The following HERC3 variants were observed in gnomAD, a reference collection of about 807,000 sequenced individuals.
HERC3 encodes HECT and RLD domain containing E3 ubiquitin protein ligase 3, also known as probable E3 ubiquitin-protein ligase HERC3.
In HERC3, 58 loss-of-function variants were observed where a neutral mutation model predicts 129.9. The ratio of observed to expected loss-of-function variants is 0.45; its 90% CI spans 0.36 to 0.56. HERC3 has a LOEUF of 0.56. HERC3 is among the 20% of genes least tolerant of loss of function. The pLI is 0.00. For synonymous variants in HERC3, 430 were observed against 451.0 expected, an observed-to-expected ratio of 0.95 and a Z score of 0.59; for missense variants, 835 against 1,244.2, an observed-to-expected ratio of 0.67 and a Z score of 4.95.
At chr4:88,660,758 A>G (rs958615142) in intron 10 of HERC3, among the ~76,000 whole-genome samples, 3 of 152,014 alleles carry the variant, frequency 2.0e-5, no homozygotes, top group African/African-American at 7.2e-5. Context: ...CTATCTCATA[A>G]TCTTCTTTTT....
the HERC3 span, among the ~76,000 whole-genome samples, chr4:88,544,117 A>T: frequency 2.0e-5 from 3 of 152,248 alleles, no homozygotes; most frequent in African/African-American, 7.2e-5. Context: ...AGTAACTCTC[A>T]TCAGAGTGAA....
chr4:88,703,240 C>T (rs1735484783), intron 23 of HERC3, among the ~76,000 whole-genome samples: 1 of 152,114 alleles, frequency 6.6e-6, no homozygotes, highest in African/African-American at 2.4e-5. Flanking sequence ...CAGAGTGTAC[C>T]TGAAGCCTTC....
chr4:88,600,225 CATAA>C (rs1722831207), intron 2 of HERC3, among the ~76,000 whole-genome samples: 1 of 152,072 alleles, frequency 6.6e-6, no homozygotes, highest in South Asian at 2.1e-4. Flanking sequence ...TTCAAACAAG[CATAA>C]ATAAATAAGC....
chr4:88,704,335 T>C (rs1735579617), intron 24 of HERC3, 54 bp downstream of exon 24: 54 of 1,564,622 alleles, frequency 3.5e-5, no homozygotes, highest in South Asian at 6.8e-5. Flanking sequence ...AGCAGCAGCC[T>C]GGGGAGGTGT....
chr4:88,687,229 A>G lies in HERC3; in HGVS notation c.2587A>G (p.Ser863Gly), dbSNP rs1465339614. ...FCLNFTICRE[S>G]YGVIEQKKLI... ...ACCTTAAATATAGATCTGCCGAGAA[A>G]GCTATGGAGTGATTGAACAGAAGAA... Residue 863 changes from serine (S) to glycine (G), a missense_variant, in exon 23 of 26, where the codon AGC becomes GGC. Ser to Gly is a moderately conservative substitution (Grantham distance 56). Coordinates refer to ENST00000402738, the MANE Select transcript of HERC3 (RefSeq NM_014606.3). 1.9e-6 allele frequency: 3 copies of G among 1,610,818 alleles called. No individual in the cohort carries two copies. Among genetic ancestry groups the G allele is most frequent in the Non-Finnish European group, 2.5e-6 (3 of 1,177,890 alleles).
the HERC3 span, among the ~76,000 whole-genome samples, chr4:88,554,932 T>C: frequency 6.6e-6 from 1 of 152,184 alleles, no homozygotes; most frequent in Non-Finnish European, 1.5e-5. Context: ...GAGTCAAACA[T>C]AGGATTACAT....
chr4:88,612,182 G>T (rs115792447), intron 3 of HERC3, among the ~76,000 whole-genome samples: 1,883 of 152,056 alleles, frequency 0.012, 41 homozygotes, highest in African/African-American at 0.042. Flanking sequence ...TCCTTCTTAA[G>T]AATATGTAAC....
At chr4:88,654,851 A>G (rs1484823549) in intron 7 of HERC3, among the ~76,000 whole-genome samples, 1 of 152,198 alleles carries the variant, frequency 6.6e-6, no homozygotes, top group Non-Finnish European at 1.5e-5. Context: ...ATGTAAAATC[A>G]TCTCATTTAG....
intron 23 of HERC3, among the ~76,000 whole-genome samples, chr4:88,703,038 C>T (rs1231572892): frequency 1.3e-5 from 2 of 152,196 alleles, no homozygotes; most frequent in African/African-American, 2.4e-5. Flanking sequence ...CCATCTGTCT[C>T]GATAACTTCT....
intron 9 of HERC3, chr4:88,657,255 T>A (rs1423763074): frequency 6.6e-6 from 1 of 152,188 alleles, no homozygotes; most frequent in Non-Finnish European, 1.5e-5. Flanking sequence ...TATAAGAAAC[T>A]CAAGGACACA....
At chr4:88,686,979 A>G (rs1733549153) in intron 22 of HERC3, among the ~76,000 whole-genome samples, 177 bp downstream of exon 22, 3 of 152,254 alleles carry the variant, frequency 2.0e-5, no homozygotes, top group Admixed American at 1.3e-4. Flanking sequence ...TGTTGAATAA[A>G]TGAATGAATG....
intron 5 of HERC3, 129 bp from the exon 6 acceptor site, chr4:88,652,740 C>G: frequency 1.1e-6 from 1 of 921,180 alleles, no homozygotes; most frequent in South Asian, 1.7e-5. Flanking sequence ...CATGAAGTAT[C>G]TCTGTTCCTT....
At chr4:88,642,741 C>G (rs943588177) in intron 3 of HERC3, among the ~76,000 whole-genome samples, 1 of 152,286 alleles carries the variant, frequency 6.6e-6, no homozygotes, top group African/African-American at 2.4e-5. Flanking sequence ...TATCACTTCT[C>G]AAAAGGCTGC....
rs1416322920 is a variant in HERC3 at position 88,699,098 on chromosome 4, C to T, written c.2658-5000C>T. Reference sequence around the variant, plus strand: ...CTTCACCCTCTTCTTCCTCACGCTCCTCACCCTCTTCTTCCTCACCCTCTT... The same window carrying T: ...CTTCACCCTCTTCTTCCTCACGCTCTTCACCCTCTTCTTCCTCACCCTCTT... On this transcript the variant is annotated intron_variant, in intron 23 of 25. Transcript: ENST00000402738. Among the ~76,000 whole-genome samples the T allele has an allele frequency of 2.0e-3, 3 of 1,496 alleles. No homozygotes were observed. The African/African-American group carries it at 0.022, about 11-fold the overall frequency. The allele number at this position is 1,496 out of a possible 152,430, so 1.0% of individuals were successfully genotyped here.
At chr4:88,569,641 C>T in the HERC3 span, among the ~76,000 whole-genome samples, 1 of 152,106 alleles carries the variant, frequency 6.6e-6, no homozygotes, top group Non-Finnish European at 1.5e-5. Context: ...TTAATTTGCC[C>T]CCATTTGTTT....
At chr4:88,543,316 A>T in the HERC3 span, among the ~76,000 whole-genome samples, 1 of 152,250 alleles carries the variant, frequency 6.6e-6, no homozygotes, top group Non-Finnish European at 1.5e-5. Flanking sequence ...CCAAATCATG[A>T]GTGAACTCAC....
the HERC3 span, among the ~76,000 whole-genome samples, chr4:88,549,402 C>T: frequency 1.3e-5 from 2 of 151,926 alleles, no homozygotes; most frequent in Admixed American, 6.5e-5. Flanking sequence ...ATGCTGGAAC[C>T]TATCACCCAA....
At chr4:88,651,292 G>A (rs28545262) in intron 4 of HERC3, among the ~76,000 whole-genome samples, 6,613 of 152,146 alleles carry the variant, frequency 0.043, 181 homozygotes, top group Middle Eastern at 0.12. Context: ...TGACTTCCAA[G>A]ACTTTGATTT....
the HERC3 span, among the ~76,000 whole-genome samples, chr4:88,531,245 A>C: frequency 2.0e-5 from 3 of 151,814 alleles, no homozygotes; most frequent in Admixed American, 1.3e-4. Context: ...TTGTTGTGCT[A>C]TGTTGCCCAG....
Sources: gnomAD v4.1 joint callset for allele counts (sites outside exome capture counted in the v4.1 genomes callset) on GRCh38, gnomAD v4.1.1 for gene constraint, MANE v1.5 for transcripts, NCBI Gene and HGNC (gene_info 2026-07-23, HGNC 2026-07-21) for gene names.